The following UBE3A variants were observed in gnomAD, a reference collection of about 807,000 sequenced individuals.
UBE3A encodes ubiquitin protein ligase E3A, also known as ubiquitin-protein ligase E3A.
UBE3A carries 6 observed loss-of-function variants against 83.4 expected under a neutral mutation model. The observed-to-expected ratio is 0.07, with a 90% confidence interval of 0.04 to 0.14. UBE3A has a LOEUF of 0.14. Ranked by LOEUF, UBE3A falls within the 10% of genes least tolerant of loss-of-function variation. UBE3A has a pLI of 1.00. For missense variants in UBE3A, 456 were observed against 1,036.1 expected (o/e 0.44, Z 7.69); for synonymous variants, 337 against 355.4 (o/e 0.95, Z 0.58).
At chr15:25,410,755 G>T (rs2089828537) in intron 2 of UBE3A, among the ~76,000 whole-genome samples, 1 of 152,150 alleles carries the variant, frequency 6.6e-6, no homozygotes, top group Admixed American at 6.5e-5. Context: ...GGGATTTATA[G>T]TATCTGTAAG....
intron 6 of UBE3A, among the ~76,000 whole-genome samples, chr15:25,369,533 T>A (rs1411419406): frequency 6.6e-6 from 1 of 152,064 alleles, no homozygotes; most frequent in Non-Finnish European, 1.5e-5. Flanking sequence ...AAAGTAAAAA[T>A]CACATTTCCT....
At chr15:25,426,863 G>A (rs953554482) in intron 1 of UBE3A, among the ~76,000 whole-genome samples, 6 of 151,764 alleles carry the variant, frequency 4.0e-5, no homozygotes, top group Non-Finnish European at 8.8e-5. Flanking sequence ...CTGTCACCGC[G>A]GCTGGAGTGC....
chr15:25,425,472 G>C (rs1276246110), intron 1 of UBE3A, among the ~76,000 whole-genome samples: 1 of 152,090 alleles, frequency 6.6e-6, no homozygotes, highest in Non-Finnish European at 1.5e-5. Context: ...TAACAGTTTT[G>C]AAAGTTAGAG....
Position 25,409,073 on chromosome 15 carries a change from A to G in UBE3A, c.20+15T>C, listed in dbSNP as rs1270089656. 6.3e-7 allele frequency: 1 copy of G among 1,583,878 alleles called. No homozygotes were observed. The highest frequency in any genetic ancestry group is 1.1e-5 in the South Asian group (1 of 87,210). ...ATGACAGCCTTTTAAAGGCTGTAAA[A>G]TAATTCAAAATTACCTTTTACAAGC... On this transcript the variant is annotated intron_variant, in intron 3 of 12. Transcript: ENST00000648336.
At chr15:25,416,741 T>C (rs1887059126) in intron 1 of UBE3A, among the ~76,000 whole-genome samples, 1 of 151,678 alleles carries the variant, frequency 6.6e-6, no homozygotes, top group African/African-American at 2.4e-5. Context: ...GATCCGAAAG[T>C]ATCTGACAGT....
At chr15:25,399,293 G>A (rs2086504015) in intron 4 of UBE3A, among the ~76,000 whole-genome samples, 1 of 152,070 alleles carries the variant, frequency 6.6e-6, no homozygotes, top group Admixed American at 6.5e-5. Flanking sequence ...CCAATGTCAT[G>A]TACATTTCTC....
At position 25,356,080 on chromosome 15, in the gene UBE3A, G is replaced by A. The variant is rs764213267; in HGVS notation, c.1960-24C>T. 3 of 1,612,528 alleles carry A rather than the reference G, an allele frequency of 1.9e-6. No homozygotes were observed. The South Asian group carries it at 3.3e-5, about 18-fold the overall frequency. ...ACCTAGCAACCAGAAATGGTAAATT[G>A]AGGCCACCATAGAACTACAAAATAC... On this transcript the variant is annotated intron_variant, in intron 8 of 12. Transcript: ENST00000648336.
chr15:25,430,491 T>C (rs1057090449), intron 1 of UBE3A, among the ~76,000 whole-genome samples: 3 of 150,810 alleles, frequency 2.0e-5, no homozygotes, highest in African/African-American at 4.9e-5. Flanking sequence ...ATATGGACAA[T>C]GTGTGCACCG....
chr15:25,413,564 C>T (rs1435808992), intron 1 of UBE3A, among the ~76,000 whole-genome samples: 1 of 152,158 alleles, frequency 6.6e-6, no homozygotes, highest in Non-Finnish European at 1.5e-5. Flanking sequence ...TTATTCCAGT[C>T]CATTCTGCAG....
intron 1 of UBE3A, chr15:25,418,397 G>GA (rs1241576532): frequency 2.0e-5 from 3 of 152,088 alleles, no homozygotes; most frequent in African/African-American, 7.2e-5. Context: ...GCCTGGAACT[G>GA]AAAACAGCCC....
chr15:25,387,444 C>A (rs2083367158), intron 4 of UBE3A, among the ~76,000 whole-genome samples: 1 of 151,960 alleles, frequency 6.6e-6, no homozygotes, highest in African/African-American at 2.4e-5. Context: ...ATGGCGTGAA[C>A]CCGGGAGGCG....
At chr15:25,405,329 T>C in intron 4 of UBE3A, 132 bp downstream of exon 4, 1 of 1,041,472 alleles carries the variant, frequency 9.6e-7, no homozygotes. Context: ...GTAGGTATGT[T>C]CCTATCTCCC....
At chr15:25,403,474 AG>A (rs1198603562) in intron 4 of UBE3A, among the ~76,000 whole-genome samples, 1 of 152,206 alleles carries the variant, frequency 6.6e-6, no homozygotes, top group Non-Finnish European at 1.5e-5. Context: ...TGTGATGGCA[AG>A]GATGTAGAGA....
intron 4 of UBE3A, among the ~76,000 whole-genome samples, chr15:25,394,178 TG>T (rs1211471244): frequency 1.3e-5 from 2 of 152,208 alleles, no homozygotes; most frequent in Admixed American, 6.5e-5. Context: ...ATTAATTAAA[TG>T]GGAAGCTGAG....
In UBE3A at chr15:25,371,857, G is replaced by C; in HGVS notation, c.362-45C>G. On this transcript the variant is annotated intron_variant, in intron 5 of 12. Transcript: ENST00000648336. This position sits in a 1 kb window ranked among gnomAD's most constrained non-coding sequence, Gnocchi z 5.3. ...AAGAGAACATTTATTTTCATAATATGTATGTTTACTCTGTTGCAAAAAGTT... is the reference window on the plus strand; with the variant it reads ...AAGAGAACATTTATTTTCATAATATCTATGTTTACTCTGTTGCAAAAAGTT... The C allele has an allele frequency of 6.4e-7, 1 of 1,568,652 alleles. No individual in the cohort carries two copies. Among genetic ancestry groups the C allele is most frequent in the Non-Finnish European group, 8.6e-7 (1 of 1,160,568 alleles).
chr15:25,398,942 A>G (rs1007773421), intron 4 of UBE3A, among the ~76,000 whole-genome samples: 5 of 151,026 alleles, frequency 3.3e-5, no homozygotes, highest in Non-Finnish European at 7.4e-5. Context: ...TGCGCAATAT[A>G]TCTCTTGTCT....
chr15:25,393,370 T>C (rs1338514379), intron 4 of UBE3A, among the ~76,000 whole-genome samples: 1 of 152,200 alleles, frequency 6.6e-6, no homozygotes, highest in Non-Finnish European at 1.5e-5. Flanking sequence ...ATTTATATTA[T>C]ATCACTGAAT....
chr15:25,428,919 T>G (rs1892202520), intron 1 of UBE3A, among the ~76,000 whole-genome samples: 1 of 152,142 alleles, frequency 6.6e-6, no homozygotes, highest in South Asian at 2.1e-4. Flanking sequence ...AAATAAACAC[T>G]GCAGCATTAT....
chr15:25,344,678 T>G (rs1039348964), intron 11 of UBE3A, among the ~76,000 whole-genome samples: 3 of 152,198 alleles, frequency 2.0e-5, no homozygotes, highest in Admixed American at 1.3e-4. Flanking sequence ...TTAAAATTAT[T>G]ACATTAACTC....
Sources: gnomAD v4.1 joint callset for allele counts (sites outside exome capture counted in the v4.1 genomes callset) on GRCh38, gnomAD v4.1.1 for gene constraint, Gnocchi (gnomAD v3.1) non-coding constraint, MANE v1.5 for transcripts, NCBI Gene and HGNC (gene_info 2026-07-23, HGNC 2026-07-21) for gene names.